SRBD1: variants seen among roughly 807,000 people sequenced by gnomAD.
The protein encoded by SRBD1 is S1 RNA binding domain 1, also known as S1 RNA-binding domain-containing protein 1.
A neutral mutation model predicts 115.3 loss-of-function variants in SRBD1; 88 were observed. The observed-to-expected ratio is 0.76, with a 90% CI of 0.64 to 0.91. The LOEUF (loss-of-function observed/expected upper bound fraction) is 0.91, where lower values mean the gene tolerates loss of function less well. SRBD1 is among the 40% of genes least tolerant of loss of function. The probability of loss-of-function intolerance (pLI) is 0.00; values close to 1 mark genes in which losing one functional copy is unlikely to be tolerated. For synonymous variants in SRBD1, 509 were observed against 407.7 expected, an observed-to-expected ratio of 1.25 and a Z score of -2.99; for missense variants, 1,385 against 1,177.4, an observed-to-expected ratio of 1.18 and a Z score of -2.58.
intron 9 of SRBD1, among the ~76,000 whole-genome samples, chr2:45,565,812 G>A (rs1195382648): frequency 1.3e-5 from 2 of 152,210 alleles, no homozygotes; most frequent in African/African-American, 4.8e-5. Flanking sequence ...TTTCTTAAGA[G>A]ATGGGGTTTC....
At chr2:45,413,084 G>A in intron 19 of SRBD1, 30 bp downstream of exon 19, 1 of 1,595,578 alleles carries the variant, frequency 6.3e-7, no homozygotes, top group Non-Finnish European at 8.5e-7. Flanking sequence ...CTCTGCATAT[G>A]GAGAATTCCC....
At chr2:45,553,783 T>A (rs1672382032) in intron 10 of SRBD1, 53 bp from the exon 11 acceptor site, 1 of 1,201,804 alleles carries the variant, frequency 8.3e-7, no homozygotes, top group African/African-American at 1.5e-5. Flanking sequence ...AATAAGGCCA[T>A]AAAAAGGCTC....
chr2:45,454,116 T>C (rs1669081483), intron 16 of SRBD1, among the ~76,000 whole-genome samples: 1 of 151,980 alleles, frequency 6.6e-6, no homozygotes, highest in Non-Finnish European at 1.5e-5. Context: ...AAGACTAATG[T>C]ACAGCCCTAA....
chr2:45,572,961 T>C (rs760087613), intron 9 of SRBD1, among the ~76,000 whole-genome samples: 2 of 152,102 alleles, frequency 1.3e-5, no homozygotes, highest in Non-Finnish European at 2.9e-5. Flanking sequence ...AGCCAAAAAG[T>C]CAAGATACCT....
intron 20 of SRBD1, among the ~76,000 whole-genome samples, chr2:45,390,838 C>T (rs1236154326): frequency 2.6e-5 from 4 of 152,092 alleles, no homozygotes; most frequent in Non-Finnish European, 5.9e-5. Flanking sequence ...CTTTAAACTC[C>T]AAATCTCACT....
chr2:45,442,584 G>A (rs1668701996), intron 16 of SRBD1, among the ~76,000 whole-genome samples: 1 of 152,206 alleles, frequency 6.6e-6, no homozygotes, highest in Non-Finnish European at 1.5e-5. Flanking sequence ...TTACCAGGGA[G>A]AGAATCCTAC....
chr2:45,436,311 A>G (rs577710124), intron 16 of SRBD1, among the ~76,000 whole-genome samples: 1 of 152,364 alleles, frequency 6.6e-6, no homozygotes, highest in South Asian at 2.1e-4. Flanking sequence ...ATAACATTTA[A>G]TGGTAAGAAA....
chr2:45,593,729 C>A (rs1465842118), intron 4 of SRBD1, among the ~76,000 whole-genome samples: 1 of 152,180 alleles, frequency 6.6e-6, no homozygotes, highest in Non-Finnish European at 1.5e-5. Flanking sequence ...GGCCACCTCC[C>A]CTCTGAAAAG....
At chr2:45,418,655 A>T (rs1243744640) in intron 17 of SRBD1, 114 bp from the exon 18 acceptor site, 2 of 869,720 alleles carry the variant, frequency 2.3e-6, no homozygotes, top group Non-Finnish European at 3.1e-6. Flanking sequence ...CGGCTAAGTT[A>T]AGTTAATCCA....
intron 14 of SRBD1, among the ~76,000 whole-genome samples, chr2:45,518,987 A>G (rs1217421546): frequency 6.6e-6 from 1 of 150,626 alleles, no homozygotes; most frequent in Non-Finnish European, 1.5e-5. Context: ...AAAAAATCTC[A>G]CCATTTTTCT....
chr2:45,465,506 T>G (rs1185453173), intron 16 of SRBD1, among the ~76,000 whole-genome samples: 1 of 152,172 alleles, frequency 6.6e-6, no homozygotes, highest in Admixed American at 6.5e-5. Context: ...CCATGGTCCC[T>G]GTCTGGACAA....
At position 45,472,663 on chromosome 2, in the gene SRBD1, T is replaced by C. The variant is rs144746911; in HGVS notation, c.2049+4330A>G. On this transcript the variant is annotated intron_variant, in intron 16 of 20. Coordinates refer to ENST00000263736, the MANE Select transcript of SRBD1 (RefSeq NM_018079.5). ...GCCTAGCTTCAAGCTGTTTTTAAAA[T>C]GTATATATTAATATGGTATGGTCTA... Among the ~76,000 whole-genome samples the C allele has an allele frequency of 3.9e-3, 590 of 152,314 alleles. 5 individuals are homozygous for C. Among genetic ancestry groups the C allele is most frequent in the African/African-American group, 0.013 (543 of 41,570 alleles).
rs1667900350 is a variant in SRBD1 at position 45,418,479 on chromosome 2, C to A, written c.2219G>T (p.Gly740Val). 4.3e-6 allele frequency: 7 copies of A among 1,613,630 alleles called. No homozygotes were observed. The highest frequency in any genetic ancestry group is 5.9e-6 in the Non-Finnish European group (7 of 1,179,948). Residue 740 changes from glycine (G) to valine (V), a missense_variant, in exon 18 of 21, where the codon GGA (glycine) becomes GTA (valine). Physicochemically the swap from Gly to Val is moderately radical, Grantham distance 109. Coordinates refer to ENST00000263736, the MANE Select transcript of SRBD1 (RefSeq NM_018079.5). ...CAGCTGTTCTCGGTTGATAAAGGGT[C>A]CATTTTTCTCTCGCCATTCAATAAT... ...KNIIEWREKN[G>V]PFINREQLKK... is the part of the protein sequence containing the mutation.
chr2:45,610,805 G>A (rs1269490057), intron 1 of SRBD1, among the ~76,000 whole-genome samples: 1 of 152,128 alleles, frequency 6.6e-6, no homozygotes, highest in African/African-American at 2.4e-5. Context: ...ACGGGCGCCT[G>A]TAGCCCCAGC....
chr2:45,529,770 A>C (rs1169013884), intron 14 of SRBD1, among the ~76,000 whole-genome samples: 5 of 151,990 alleles, frequency 3.3e-5, no homozygotes, highest in African/African-American at 1.2e-4. Flanking sequence ...ACTCAAATTA[A>C]GCCTAGAACC....
At chr2:45,495,151 T>C (rs2103875222) in intron 14 of SRBD1, among the ~76,000 whole-genome samples, 1 of 152,322 alleles carries the variant, frequency 6.6e-6, no homozygotes, top group African/African-American at 2.4e-5. Context: ...GCTACTTCTC[T>C]TTTGGTGCCC....
intron 3 of SRBD1, among the ~76,000 whole-genome samples, chr2:45,600,546 G>C (rs960459658): frequency 1.3e-5 from 2 of 152,212 alleles, no homozygotes; most frequent in African/African-American, 2.4e-5. Context: ...CTGCTGAAGA[G>C]TAGAGGATAG....
chr2:45,511,642 T>G (rs746884211), intron 14 of SRBD1, among the ~76,000 whole-genome samples: 2 of 152,224 alleles, frequency 1.3e-5, no homozygotes, highest in Non-Finnish European at 2.9e-5. Flanking sequence ...ATTTTAACTG[T>G]GGCGAGAAAC....
intron 14 of SRBD1, among the ~76,000 whole-genome samples, chr2:45,488,732 T>G (rs925391982): frequency 1.3e-5 from 2 of 152,196 alleles, no homozygotes; most frequent in Non-Finnish European, 2.9e-5. Context: ...CCTGAATGAA[T>G]CATTCTAAGG....
Sources: allele counts gnomAD v4.1 joint callset (sites outside exome capture counted in the v4.1 genomes callset), GRCh38; gene constraint gnomAD v4.1.1; transcripts MANE v1.5; gene names NCBI Gene and HGNC (gene_info 2026-07-23, HGNC 2026-07-21).